SH3GLB1: variants seen among roughly 807,000 people sequenced by gnomAD.
SH3GLB1 encodes SH3 domain containing GRB2 like, endophilin B1.
Under a neutral mutation model 42.0 loss-of-function variants are expected in SH3GLB1, and 17 were observed. That is an observed-to-expected ratio of 0.40 (90% CI 0.28 to 0.61). SH3GLB1 has a LOEUF of 0.61. Ranked by LOEUF, SH3GLB1 falls within the 20% of genes least tolerant of loss-of-function variation. The pLI, the probability that SH3GLB1 is intolerant of heterozygous loss-of-function variation, is 0.36. For missense variants in SH3GLB1, 355 were observed against 426.3 expected, an observed-to-expected ratio of 0.83 and a Z score of 1.47; for synonymous variants, 132 against 146.6, an observed-to-expected ratio of 0.90 and a Z score of 0.72.
chr1:86,724,874 T>TAAAAAAAAAAAAAAAA (rs1165438979), intron 5 of SH3GLB1, among the ~76,000 whole-genome samples: 2 of 97,940 alleles, frequency 2.0e-5, no homozygotes, highest in African/African-American at 9.9e-5. Context: ...ACCCTGTCTT[T>TAAAAAAAAAAAAAAAA]AAAAAAAAAA....
At chr1:86,715,689 AG>A in intron 1 of SH3GLB1, 34 bp from the exon 2 acceptor site, 1 of 1,558,414 alleles carries the variant, frequency 6.4e-7, no homozygotes, top group Non-Finnish European at 8.6e-7. Context: ...ATTTATTTGC[AG>A]TATATTTAAT....
intron 5 of SH3GLB1, among the ~76,000 whole-genome samples, chr1:86,731,849 G>A (rs969055550): frequency 5.3e-5 from 8 of 152,120 alleles, no homozygotes; most frequent in Non-Finnish European, 1.0e-4. Context: ...GAAGGCCGAG[G>A]TGGGCAGATC....
chr1:86,731,937 G>A (rs914017684), intron 5 of SH3GLB1, among the ~76,000 whole-genome samples: 1 of 151,978 alleles, frequency 6.6e-6, no homozygotes, highest in African/African-American at 2.4e-5. Flanking sequence ...AAATTAGCCA[G>A]GCATGGTGTC....
chr1:86,718,123 T>G (rs1197403006), intron 2 of SH3GLB1, among the ~76,000 whole-genome samples: 1 of 151,846 alleles, frequency 6.6e-6, no homozygotes, highest in Non-Finnish European at 1.5e-5. Context: ...TACTGCAAGA[T>G]CTGCCTCCTG....
intron 5 of SH3GLB1, among the ~76,000 whole-genome samples, chr1:86,728,819 TAAAG>T (rs901441992): frequency 8.5e-5 from 13 of 152,158 alleles, no homozygotes; most frequent in African/African-American, 2.9e-4. Context: ...AAAATATACT[TAAAG>T]AAAGGTGTAA....
At chr1:86,712,170 C>T (rs1654253720) in intron 1 of SH3GLB1, among the ~76,000 whole-genome samples, 1 of 151,852 alleles carries the variant, frequency 6.6e-6, no homozygotes, top group African/African-American at 2.4e-5. Flanking sequence ...TAGCAATGTC[C>T]TTATTGTGTG....
At chr1:86,730,061 T>C in intron 5 of SH3GLB1, 1 of 1,577,662 alleles carries the variant, frequency 6.3e-7, no homozygotes, top group South Asian at 1.2e-5. Context: ...TGCTTTATAT[T>C]TTTCTCTAAT....
chr1:86,719,371 A>G (rs530594616), intron 2 of SH3GLB1, 136 bp from the exon 3 acceptor site: 3 of 472,320 alleles, frequency 6.4e-6, no homozygotes, highest in South Asian at 2.0e-4. Flanking sequence ...AAATTTAAAA[A>G]ATTATTTATT....
chr1:86,734,944 T>C (rs1655707140), intron 6 of SH3GLB1, 135 bp from the exon 7 acceptor site: 2 of 690,124 alleles, frequency 2.9e-6, no homozygotes, highest in Non-Finnish European at 5.0e-6. Flanking sequence ...CGAAGGCCAA[T>C]CTTAATAAGC....
chr1:86,732,574 A>G (rs116135874), intron 5 of SH3GLB1, among the ~76,000 whole-genome samples: 1,895 of 152,304 alleles, frequency 0.012, 54 homozygotes, highest in African/African-American at 0.043. Flanking sequence ...AAACTTGTTC[A>G]AGAAATGAGA....
rs1655715149 is a variant in SH3GLB1 at position 86,735,082 on chromosome 1, C to T, written c.664C>T (p.His222Tyr). The T allele has an allele frequency of 5.0e-6, 8 of 1,611,994 alleles. No homozygotes were observed. In the Middle Eastern group the frequency reaches 9.9e-4, roughly 200 times the overall value. Reference protein sequence around the residue: ...LLEGISSTHAHHLRCLNDFVE... With the variant: ...LLEGISSTHAYHLRCLNDFVE... ...TAACTATAATTTTCCTTCACAGGCC[C>T]ATCACCTTCGCTGTCTGAATGACTT... The change falls in exon 7 of 9, where the codon CAT (histidine) becomes TAT (tyrosine). Residue 222 changes from histidine to tyrosine, a missense_variant. His to Tyr is a moderately conservative substitution (Grantham distance 83, BLOSUM62 2). Coordinates refer to ENST00000370558, the MANE Select transcript of SH3GLB1 (RefSeq NM_016009.5).
chr1:86,707,228 C>G (rs1455572408), intron 1 of SH3GLB1, among the ~76,000 whole-genome samples: 1 of 152,140 alleles, frequency 6.6e-6, no homozygotes, highest in East Asian at 1.9e-4. Context: ...ATGGTCAGGG[C>G]AAGTCTTTCT....
At chr1:86,706,126 A>G (rs1006240530) in intron 1 of SH3GLB1, among the ~76,000 whole-genome samples, 4 of 152,220 alleles carry the variant, frequency 2.6e-5, no homozygotes, top group African/African-American at 7.2e-5. Context: ...ACTTTGCCAG[A>G]TAGATGTTAT....
chr1:86,713,808 T>C (rs1267399198), intron 1 of SH3GLB1, among the ~76,000 whole-genome samples: 2 of 152,184 alleles, frequency 1.3e-5, no homozygotes, highest in East Asian at 1.9e-4. Flanking sequence ...AAACCAACCA[T>C]GTTGGTCCGC....
At chr1:86,726,806 C>CT (rs962229806) in intron 5 of SH3GLB1, among the ~76,000 whole-genome samples, 1 of 151,702 alleles carries the variant, frequency 6.6e-6, no homozygotes, top group Non-Finnish European at 1.5e-5. Flanking sequence ...TTTGGTGATC[C>CT]TTTTTTTCCC....
chr1:86,719,002 C>T (rs1010479039), intron 2 of SH3GLB1, among the ~76,000 whole-genome samples: 4 of 152,160 alleles, frequency 2.6e-5, no homozygotes, highest in Non-Finnish European at 5.9e-5. Flanking sequence ...ATGCCTTAAG[C>T]GCCTGTGTCT....
intron 3 of SH3GLB1, among the ~76,000 whole-genome samples, chr1:86,722,253 G>A (rs1341579850): frequency 6.6e-6 from 1 of 151,282 alleles, no homozygotes; most frequent in Non-Finnish European, 1.5e-5. Context: ...GACTGTGACC[G>A]TAAATATTTT....
intron 7 of SH3GLB1, among the ~76,000 whole-genome samples, chr1:86,739,711 A>G (rs895705420): frequency 1.3e-5 from 2 of 152,142 alleles, no homozygotes; most frequent in African/African-American, 4.8e-5. Context: ...GCTGATGGGA[A>G]TGATACACTA....
chr1:86,727,137 A>G (rs1034882887), intron 5 of SH3GLB1, among the ~76,000 whole-genome samples: 2 of 152,010 alleles, frequency 1.3e-5, no homozygotes, highest in Non-Finnish European at 2.9e-5. Context: ...TAAATGATGT[A>G]AAATCTCTGC....
Sources: gnomAD v4.1 joint callset for allele counts (sites outside exome capture counted in the v4.1 genomes callset) on GRCh38, gnomAD v4.1.1 for gene constraint, MANE v1.5 for transcripts, NCBI Gene and HGNC (gene_info 2026-07-23, HGNC 2026-07-21) for gene names.